Variants in EPPK1 observed in about 807,000 individuals in gnomAD.
The protein encoded by EPPK1 is epiplakin 1.
For synonymous variants in EPPK1, 1,862 were observed against 1,721.2 expected, an observed-to-expected ratio of 1.08 and a Z score of -2.03; for missense variants, 3,823 against 3,673.3, an observed-to-expected ratio of 1.04 and a Z score of -1.05.
Position 143,871,010 on chromosome 8 carries a change from G to A in EPPK1, c.2244C>T (p.Tyr748=), listed in dbSNP as rs782302423. The change falls in exon 2 of 2, where the codon TAC becomes TAT. Residue 748 remains tyrosine (Y), a synonymous_variant. Coordinates refer to ENST00000615648, the MANE Select transcript of EPPK1 (RefSeq NM_031308.4). ...VPVDVAYRRG[Y]FDQMLNLILL... is the part of the protein sequence containing the mutation. Reference sequence around the variant, plus strand: ...GGATCAAGTTCAGCATCTGATCGAAGTAGCCGCGCCGGTAGGCCACGTCCA... The same window carrying A: ...GGATCAAGTTCAGCATCTGATCGAAATAGCCGCGCCGGTAGGCCACGTCCA... The A allele has an allele frequency of 6.2e-7, 1 of 1,613,314 alleles. No individual in the cohort carries two copies. Among genetic ancestry groups the A allele is most frequent in the Admixed American group, 1.7e-5 (1 of 60,030 alleles).
chr8:143,878,939 C>T (rs953941014), upstream of EPPK1, among the ~76,000 whole-genome samples: 1 of 152,138 alleles, frequency 6.6e-6, no homozygotes, highest in African/African-American at 2.4e-5. Context: ...CCCCCCTGCC[C>T]CCATGACGTT....
chr8:143,868,108 G>C lies in EPPK1; in HGVS notation c.5146C>G (p.Arg1716Gly). The C allele has an allele frequency of 6.2e-7, 1 of 1,613,306 alleles. No individual in the cohort carries two copies. The highest frequency in any genetic ancestry group is 1.3e-5 in the African/African-American group (1 of 75,040). The change falls in exon 2 of 2, where the codon CGC becomes GGC. Residue 1716 changes from arginine (R) to glycine (G), a missense_variant. By Grantham distance (125) the Arg-to-Gly change is moderately radical. Coordinates refer to ENST00000615648, the MANE Select transcript of EPPK1 (RefSeq NM_031308.4). The stretch of plus-strand genomic sequence containing the variant: ...TCGTCGCTGGGGTCCGCCAGGATGC[G>C]GTTCATCTCCTCGTCGAAGTAGCCG... ...RCGYFDEEMNRILADPSDDTK... is the reference protein window; with the variant it reads ...RCGYFDEEMNGILADPSDDTK...
Position 143,857,677 on chromosome 8 carries a change from T to C in EPPK1, c.*310A>G. The C allele has an allele frequency of 2.8e-6, 1 of 353,058 alleles. No individual in the cohort carries two copies. The highest frequency in any genetic ancestry group is 5.1e-6 in the Non-Finnish European group (1 of 197,620). The allele number at this position is 353,058 out of a possible 1,614,324, so 21.9% of individuals were successfully genotyped here. A position where few individuals can be genotyped will look rare whatever the true frequency, so the allele number is the denominator to read the frequency against. On this transcript the variant is annotated 3_prime_UTR_variant, in exon 2 of 2. Transcript: ENST00000615648. ...GGACTGAGAGTCTAAAGAGTGACAT[T>C]CTGTAAAATGGAAGCAGTGAATCCA...
Position 143,872,255 on chromosome 8 carries a change from T to C in EPPK1, c.999A>G (p.Thr333=), listed in dbSNP as rs1554661495. ...CCTCGTCTACCCACAGCCGCTGGCC[T>C]GTGATGGGGTCCACCAGGGTGTGGG... The part of the protein sequence containing the change: ...AATHTLVDPI[T]GQRLWVDEAV... The change falls in exon 2 of 2, where the codon ACA becomes ACG. Residue 333 remains threonine, a synonymous_variant. Coordinates refer to ENST00000615648, the MANE Select transcript of EPPK1 (RefSeq NM_031308.4). 1 of 1,609,398 alleles carries C rather than the reference T, an allele frequency of 6.2e-7. No individual in the cohort carries two copies. Among genetic ancestry groups the C allele is most frequent in the South Asian group, 1.1e-5 (1 of 90,618 alleles).
rs1819137744 is a variant in EPPK1 at position 143,866,907 on chromosome 8, C to G, written c.6347G>C (p.Arg2116Thr). Residue 2116 changes from arginine to threonine, a missense_variant, in exon 2 of 2, where the codon AGA (arginine) becomes ACA (threonine). Physicochemically the swap from Arg to Thr is moderately conservative, Grantham distance 71 (BLOSUM62 -1). Coordinates refer to ENST00000615648, the MANE Select transcript of EPPK1 (RefSeq NM_031308.4). ...EQVEITVGRF[R>T]GQKPTLWALL... The stretch of plus-strand genomic sequence containing the variant: ...TGCCCACAGTGTTGGTTTCTGGCCT[C>G]TGAACCTTCCCACTGTGATTTCCAC... 4 of 1,612,998 alleles carry G rather than the reference C, an allele frequency of 2.5e-6. No homozygotes were observed. The highest frequency in any genetic ancestry group is 2.2e-5 in the East Asian group (1 of 44,894).
In EPPK1 at chr8:143,868,727, G is replaced by A. The variant is rs782477999; in HGVS notation, c.4527C>T (p.Val1509=). ...RQVVSAVTTL[V]EAAERQPLQA... ...GCAGGGGCTGCCTCTCTGCAGCCTCGACCAGGGTGGTGACTGCGCTGACCA... is the reference window on the plus strand; with the variant it reads ...GCAGGGGCTGCCTCTCTGCAGCCTCAACCAGGGTGGTGACTGCGCTGACCA... Residue 1509 remains valine, a synonymous_variant, in exon 2 of 2, where the codon GTC becomes GTT. Coordinates refer to ENST00000615648, the MANE Select transcript of EPPK1 (RefSeq NM_031308.4). 51 of 1,579,732 alleles carry A rather than the reference G, an allele frequency of 3.2e-5. 1 individual carries two copies. The highest frequency in any genetic ancestry group is 7.0e-5 in the East Asian group (3 of 42,960).
At chr8:143,877,582 C>T (rs936537486) in intron 1 of EPPK1, among the ~76,000 whole-genome samples, 4 of 152,152 alleles carry the variant, frequency 2.6e-5, no homozygotes, top group African/African-American at 9.7e-5. Context: ...TGTCACCAGA[C>T]TGCCCGGCAG....
In EPPK1 at chr8:143,870,935, G is replaced by T; in HGVS notation, c.2319C>A (p.His773Gln). 1 of 1,613,498 alleles carries T rather than the reference G, an allele frequency of 6.2e-7. No individual in the cohort carries two copies. Among genetic ancestry groups the T allele is most frequent in the Non-Finnish European group, 8.5e-7 (1 of 1,180,008 alleles). Residue 773 changes from histidine to glutamine, a missense_variant, in exon 2 of 2, where the codon CAC (histidine) becomes CAA (glutamine). Coordinates refer to ENST00000615648, the MANE Select transcript of EPPK1 (RefSeq NM_031308.4). This position sits in a 1 kb window ranked among gnomAD's most constrained non-coding sequence, Gnocchi z 5.2. ...GAAGCTGCAGGTACGTGAGGTTCTC[G>T]TGCGTGTTGGGGTCGAAGAAGCCCT... ...DTKGFFDPNT[H>Q]ENLTYLQLLE...
In EPPK1 at chr8:143,871,233, C is replaced by G; in HGVS notation, c.2021G>C (p.Gly674Ala). 1.2e-6 allele frequency: 2 copies of G among 1,613,146 alleles called. No individual in the cohort carries two copies. The highest frequency in any genetic ancestry group is 1.6e-4 in the Middle Eastern group (1 of 6,062). The change falls in exon 2 of 2, where the codon GGG (glycine) becomes GCG (alanine). Residue 674 changes from glycine (G) to alanine (A), a missense_variant. Gly to Ala is a moderately conservative substitution (Grantham distance 60). Coordinates refer to ENST00000615648, the MANE Select transcript of EPPK1 (RefSeq NM_031308.4). ...CAGCAGCTTCGCGAACACATCAGGC[C>G]CAATGACAGCAGCCCTCAGTGCCTC... The part of the protein sequence containing the change: ...VEEALRAAVI[G>A]PDVFAKLLSA...
At position 143,871,640 on chromosome 8, in the gene EPPK1, C is replaced by T. The variant is rs782002993; in HGVS notation, c.1614G>A (p.Val538=). The T allele has an allele frequency of 6.2e-7, 1 of 1,603,520 alleles. No homozygotes were observed. The highest frequency in any genetic ancestry group is 8.5e-7 in the Non-Finnish European group (1 of 1,176,498). ...AQQYQEGTLS[V]EKLAAKLSAT... is the part of the protein sequence containing the mutation. Reference sequence around the variant, plus strand: ...CGCTCAGCTTAGCGGCCAGCTTCTCCACGGAGAGGGTCCCTTCCTGGTACT... The same window carrying T: ...CGCTCAGCTTAGCGGCCAGCTTCTCTACGGAGAGGGTCCCTTCCTGGTACT... Residue 538 remains valine, a synonymous_variant, in exon 2 of 2, where the codon GTG becomes GTA. Transcript: ENST00000615648.
In EPPK1 at chr8:143,867,259, C is replaced by A; in HGVS notation, c.5995G>T (p.Glu1999Ter). 2 of 1,612,438 alleles carry A rather than the reference C, an allele frequency of 1.2e-6. No homozygotes were observed. The highest frequency in any genetic ancestry group is 1.7e-6 in the Non-Finnish European group (2 of 1,179,660). Residue 1999 changes from glutamate (E) to a stop codon, truncating the protein, a stop_gained, in exon 2 of 2, where the codon GAG (glutamate) becomes TAG (stop). Coordinates refer to ENST00000615648, the MANE Select transcript of EPPK1 (RefSeq NM_031308.4). LOFTEE classifies it low-confidence loss of function (END_TRUNC). ...LFQAMQKQLI[E>*]KAEALRLLEV... is the part of the protein sequence containing the mutation. ...AGCAGCCTCAGTGCCTCCGCCTTCT[C>A]GATGAGCTGCTTCTGCATGGCCTGG...
rs199984495 is a variant in EPPK1 at position 143,866,748 on chromosome 8, T to C, written c.6506A>G (p.Asn2169Ser). 76 of 1,613,532 alleles carry C rather than the reference T, an allele frequency of 4.7e-5. No homozygotes were observed. The African/African-American group carries it at 8.1e-4, about 17-fold the overall frequency. ...AATTCCTTGGAACCACAGGTGTTTG[T>C]TGCTGGTTTCCTGCTTCTCGATCAA... ...LELIEKQETS[N>S]KHLWFQGIRR... Residue 2169 changes from asparagine (N) to serine (S), a missense_variant, in exon 2 of 2, where the codon AAC (asparagine) becomes AGC (serine). Asn to Ser is a conservative substitution (Grantham distance 46). Coordinates refer to ENST00000615648, the MANE Select transcript of EPPK1 (RefSeq NM_031308.4).
At chr8:143,876,589 C>G (rs1186404767) in intron 1 of EPPK1, among the ~76,000 whole-genome samples, 4 of 152,210 alleles carry the variant, frequency 2.6e-5, no homozygotes, top group Non-Finnish European at 5.9e-5. Context: ...CTGCCTCAGA[C>G]AGACTCTGCT....
In EPPK1 at chr8:143,866,731, G is replaced by C. The variant is rs370821527; in HGVS notation, c.6523C>G (p.Gln2175Glu). Residue 2175 changes from glutamine (Q) to glutamate (E), a missense_variant, in exon 2 of 2, where the codon CAA becomes GAA. Physicochemically the swap from Gln to Glu is conservative, Grantham distance 29. Transcript: ENST00000615648. ...GCTGTGATCTGTCGTCTAATTCCTT[G>C]GAACCACAGGTGTTTGTTGCTGGTT... ...QETSNKHLWFQGIRRQITASE... is the reference protein window; with the variant it reads ...QETSNKHLWFEGIRRQITASE... 2 of 1,613,462 alleles carry C rather than the reference G, an allele frequency of 1.2e-6. No homozygotes were observed. The highest frequency in any genetic ancestry group is 1.1e-5 in the South Asian group (1 of 91,088).
At position 143,868,043 on chromosome 8, in the gene EPPK1, G is replaced by A. The variant is rs370583185; in HGVS notation, c.5211C>T (p.Leu1737=). The A allele has an allele frequency of 4.3e-5, 70 of 1,613,698 alleles. No individual in the cohort carries two copies. In the Admixed American group the frequency reaches 8.2e-4, roughly 19 times the overall value. The change falls in exon 2 of 2, where the codon CTC becomes CTT. Residue 1737 remains leucine, a synonymous_variant. Transcript: ENST00000615648. ...AGCGCTCCAGAAGCTGCAGGTACGT[G>A]AGGTTCTCGTGCGTGTTGGGGTCGA... is the stretch of plus-strand genomic sequence containing the variant. ...GFFDPNTHEN[L]TYLQLLERCV...
chr8:143,873,661 A>C (rs1239383717), intron 1 of EPPK1, among the ~76,000 whole-genome samples: 2 of 151,104 alleles, frequency 1.3e-5, no homozygotes, highest in African/African-American at 4.9e-5. Context: ...TCCCATCCTT[A>C]GCCCTGCCCG....
In EPPK1 at chr8:143,872,641, T is replaced by A. The variant is rs1554661658; in HGVS notation, c.613A>T (p.Thr205Ser). 4 of 1,609,912 alleles carry A rather than the reference T, an allele frequency of 2.5e-6. No homozygotes were observed. The highest frequency in any genetic ancestry group is 1.1e-5 in the South Asian group (1 of 91,000). ...TGDLRFLDPN[T>S]LERLTYHQLL... ...TGGTGGTATGTCAGCCGCTCCAGCG[T>A]GTTGGGGTCGAGGAAGCGCAGGTCA... The change falls in exon 2 of 2, where the codon ACG (threonine) becomes TCG (serine). Residue 205 changes from threonine (T) to serine (S), a missense_variant. Transcript: ENST00000615648.
In EPPK1 at chr8:143,871,510, G is replaced by A. The variant is rs782633955; in HGVS notation, c.1744C>T (p.Leu582=). 2.0e-5 allele frequency: 32 copies of A among 1,609,940 alleles called. No individual in the cohort carries two copies. The highest frequency in any genetic ancestry group is 2.6e-5 in the Non-Finnish European group (31 of 1,178,898). The part of the protein sequence containing the change: ...LLKAEIIDQD[L]YERLEHGQAT... Reference sequence around the variant, plus strand: ...TGTCCATGCTCCAGCCGCTCGTACAGGTCCTGGTCGATGATCTCGGCTTTC... The same window carrying A: ...TGTCCATGCTCCAGCCGCTCGTACAAGTCCTGGTCGATGATCTCGGCTTTC... The change falls in exon 2 of 2, where the codon CTG becomes TTG. Residue 582 remains leucine, a synonymous_variant. Transcript: ENST00000615648.
chr8:143,873,101 C>G lies in EPPK1; in HGVS notation c.153G>C (p.Ser51=), dbSNP rs371819951. Reference sequence around the variant, plus strand: ...CGGCGTAGACACTCTGGGCCTGGCCCGAGGCCTCCACATACACCCCAGCTA... The same window carrying G: ...CGGCGTAGACACTCTGGGCCTGGCCGGAGGCCTCCACATACACCCCAGCTA... The part of the protein sequence containing the change: ...RSIAGVYVEA[S]GQAQSVYAAM... Residue 51 remains serine, a synonymous_variant, in exon 2 of 2, where the codon TCG becomes TCC. Transcript: ENST00000615648. The G allele has an allele frequency of 3.0e-5, 47 of 1,555,980 alleles. No homozygotes were observed. The highest frequency in any genetic ancestry group is 3.9e-5 in the Non-Finnish European group (45 of 1,153,988).
Sources: gnomAD v4.1 joint callset for allele counts (sites outside exome capture counted in the v4.1 genomes callset) on GRCh38, gnomAD v4.1.1 for gene constraint, Gnocchi (gnomAD v3.1) non-coding constraint, MANE v1.5 for transcripts, NCBI Gene and HGNC (gene_info 2026-07-23, HGNC 2026-07-21) for gene names.